Variants in BLTP1 observed in about 807,000 individuals in gnomAD.
The protein encoded by BLTP1 is bridge-like lipid transfer protein family member 1.
At chr4:122,308,037 A>C in the BLTP1 span, 1 of 1,613,548 alleles carries the variant, frequency 6.2e-7, no homozygotes, top group Non-Finnish European at 8.5e-7. Context: ...ATATGGCTAC[A>C]AAGGAAGTAG....
chr4:122,181,249 TA>T, the BLTP1 span: 2 of 964,718 alleles, frequency 2.1e-6, no homozygotes, highest in Non-Finnish European at 2.5e-6. Flanking sequence ...TCTTTTTTTT[TA>T]AAAGAGCTAT....
chr4:122,306,310 T>C, the BLTP1 span, among the ~76,000 whole-genome samples: 3 of 152,132 alleles, frequency 2.0e-5, no homozygotes, highest in Non-Finnish European at 4.4e-5. Context: ...TTTTTTTTGT[T>C]TTGATAATTA....
chr4:122,289,228 GT>G, the BLTP1 span: 2 of 1,424,122 alleles, frequency 1.4e-6, no homozygotes, highest in South Asian at 1.3e-5. Flanking sequence ...ATAGGTGTAG[GT>G]TTTTATTCTC....
At chr4:122,208,370 C>T in the BLTP1 span, 1 of 982,734 alleles carries the variant, frequency 1.0e-6, no homozygotes, top group African/African-American at 1.8e-5. Flanking sequence ...TACCTTGCTG[C>T]CTGTTAAGAA....
At chr4:122,201,226 T>C in the BLTP1 span, 2 of 847,726 alleles carry the variant, frequency 2.4e-6, no homozygotes, top group East Asian at 5.8e-5. Flanking sequence ...TATGATATGA[T>C]TCATATTTTC....
the BLTP1 span, among the ~76,000 whole-genome samples, chr4:122,354,669 CTTT>C: frequency 8.9e-5 from 12 of 135,054 alleles, no homozygotes; most frequent in Non-Finnish European, 1.1e-4. Context: ...TTTTTCTTTT[CTTT>C]TTTTTTTTTT....
chr4:122,154,127 C>G, the BLTP1 span: 1 of 841,346 alleles, frequency 1.2e-6, no homozygotes, highest in Non-Finnish European at 1.4e-6. Context: ...GTATTTTTGG[C>G]TAAGTTTTAA....
At chr4:122,204,764 G>A in the BLTP1 span, 9 of 544,096 alleles carry the variant, frequency 1.7e-5, no homozygotes, top group South Asian at 8.1e-5. Context: ...AGTGTTAGAC[G>A]CTGTGCTAAA....
chr4:122,320,485 G>T, the BLTP1 span, among the ~76,000 whole-genome samples: 1 of 152,224 alleles, frequency 6.6e-6, no homozygotes, highest in South Asian at 2.1e-4. Context: ...ATTAGGGATT[G>T]TTATTTGTTC....
At chr4:122,254,278 C>A in the BLTP1 span, 1 of 1,613,284 alleles carries the variant, frequency 6.2e-7, no homozygotes, top group Non-Finnish European at 8.5e-7. Context: ...TGAAGTTGAC[C>A]ATTAAAGAAA....
chr4:122,175,314 G>C, the BLTP1 span: 2 of 954,126 alleles, frequency 2.1e-6, no homozygotes, highest in Non-Finnish European at 2.5e-6. Flanking sequence ...AAAATAAAAA[G>C]CTCAGAGACT....
the BLTP1 span, chr4:122,262,789 G>A: frequency 1.2e-6 from 2 of 1,610,996 alleles, no homozygotes; most frequent in Non-Finnish European, 1.7e-6. Flanking sequence ...CATTCTCTGA[G>A]CTATACCAGT....
the BLTP1 span, among the ~76,000 whole-genome samples, chr4:122,354,818 C>T: frequency 6.6e-6 from 1 of 151,902 alleles, no homozygotes; most frequent in Admixed American, 6.6e-5. Context: ...AGGTGTGCGC[C>T]ACCACGCCCG....
the BLTP1 span, chr4:122,239,662 C>T: frequency 6.2e-7 from 1 of 1,614,106 alleles, no homozygotes; most frequent in Non-Finnish European, 8.5e-7. Context: ...CTTACTGCTG[C>T]TTTCTATGGG....
chr4:122,272,007 A>G, the BLTP1 span: 3 of 556,778 alleles, frequency 5.4e-6, no homozygotes, highest in Non-Finnish European at 6.8e-6. Flanking sequence ...ACTTGGAAAA[A>G]TGTTGAAGAA....
the BLTP1 span, chr4:122,221,726 T>C: frequency 3.3e-3 from 2,958 of 887,504 alleles, 6 homozygotes; most frequent in Admixed American, 3.9e-3. Flanking sequence ...TTAGAATCGG[T>C]TGTTTTTTAT....
chr4:122,310,914 A>AC, the BLTP1 span: 1 of 939,126 alleles, frequency 1.1e-6, no homozygotes, highest in South Asian at 4.9e-5. Context: ...TATCCAAAAG[A>AC]CCAGTATCAG....
chr4:122,240,283 T>A, the BLTP1 span: 2 of 1,614,044 alleles, frequency 1.2e-6, no homozygotes. Flanking sequence ...CATCGTCCCC[T>A]TGATCTGGAT....
the BLTP1 span, chr4:122,174,455 A>G: frequency 6.8e-7 from 1 of 1,464,224 alleles, no homozygotes; most frequent in Admixed American, 2.7e-5. Context: ...GGTATCAGGA[A>G]GAGAGTGAGA....
Sources: allele counts gnomAD v4.1 joint callset (sites outside exome capture counted in the v4.1 genomes callset), GRCh38; gene constraint gnomAD v4.1.1; transcripts MANE v1.5; gene names NCBI Gene and HGNC (gene_info 2026-07-23, HGNC 2026-07-21).